Variants in TRIM2 observed in about 807,000 individuals in gnomAD.
The protein encoded by TRIM2 is tripartite motif-containing protein 2.
In TRIM2, 20 loss-of-function variants were observed where a neutral mutation model predicts 75.2. The ratio of observed to expected loss-of-function variants is 0.27; its 90% CI spans 0.19 to 0.39. The LOEUF (loss-of-function observed/expected upper bound fraction) is 0.39. Among genes scored for constraint, TRIM2 ranks in the 10% least tolerant of loss-of-function variants. TRIM2 has a pLI of 1.00. For missense variants in TRIM2, 660 were observed against 990.8 expected (o/e 0.67, Z 4.48); for synonymous variants, 373 against 388.3 (o/e 0.96, Z 0.46).
In TRIM2 at chr4:153,192,145, G is replaced by A. The variant is rs536456602; in HGVS notation, c.-49+38875G>A. ...TTCCTCACCCCACACCCTTCCCCAG[G>A]CATCCCGCACCACAGTGATTGTTTA... On this transcript the variant is annotated intron_variant, in intron 1 of 11. Coordinates refer to the TRIM2 transcript ENST00000437508. Among the ~76,000 whole-genome samples, 28 of 152,188 alleles carry A rather than the reference G, an allele frequency of 1.8e-4. 1 individual carries two copies. In the East Asian group the frequency reaches 3.9e-3, roughly 21 times the overall value.
intron 1 of TRIM2, among the ~76,000 whole-genome samples, chr4:153,263,258 G>T (rs1754032156): frequency 6.6e-6 from 1 of 152,142 alleles, no homozygotes; most frequent in East Asian, 1.9e-4. Context: ...AAGCCTCGGA[G>T]GTGGAGGTTG....
intron 1 of TRIM2, among the ~76,000 whole-genome samples, chr4:153,199,166 A>C (rs1349292695): frequency 6.6e-6 from 1 of 152,180 alleles, no homozygotes; most frequent in African/African-American, 2.4e-5. Context: ...TCAGCTCTAC[A>C]GAATTGTGTT....
intron 1 of TRIM2, among the ~76,000 whole-genome samples, chr4:153,166,289 T>A (rs1730296149): frequency 3.3e-5 from 5 of 152,200 alleles, no homozygotes. Context: ...GACTTCTTAT[T>A]TTCACAAATG....
intron 1 of TRIM2, among the ~76,000 whole-genome samples, chr4:153,265,423 A>C (rs1754723493): frequency 6.6e-6 from 1 of 151,568 alleles, no homozygotes; most frequent in Non-Finnish European, 1.5e-5. Flanking sequence ...GGCTCACTGC[A>C]AGCTCTCCCT....
intron 3 of TRIM2, among the ~76,000 whole-genome samples, chr4:153,289,392 C>T (rs1761367745): frequency 6.6e-6 from 1 of 152,048 alleles, no homozygotes; most frequent in Admixed American, 6.6e-5. Context: ...GATTAGCTAC[C>T]AACCAGTGAC....
chr4:153,247,414 G>A (rs770496670), intron 1 of TRIM2, among the ~76,000 whole-genome samples: 40 of 152,172 alleles, frequency 2.6e-4, no homozygotes, highest in Non-Finnish European at 3.8e-4. Flanking sequence ...GGTCACTCAC[G>A]CCTGTAGTCC....
intron 1 of TRIM2, among the ~76,000 whole-genome samples, chr4:153,263,477 C>G (rs1406134023): frequency 6.6e-6 from 1 of 152,154 alleles, no homozygotes; most frequent in Non-Finnish European, 1.5e-5. Context: ...AAGTCCGTTT[C>G]CATGTTATAT....
intron 1 of TRIM2, among the ~76,000 whole-genome samples, chr4:153,254,791 A>C (rs1751668156): frequency 1.3e-5 from 2 of 152,212 alleles, no homozygotes; most frequent in Non-Finnish European, 2.9e-5. Context: ...TTTAACCCAT[A>C]TAGTAGTTAA....
chr4:153,213,775 C>T (rs1054443130), intron 1 of TRIM2, among the ~76,000 whole-genome samples: 4 of 152,196 alleles, frequency 2.6e-5, no homozygotes, highest in African/African-American at 9.7e-5. Flanking sequence ...ATCCACCCGC[C>T]TCGGCCTCCC....
intron 1 of TRIM2, among the ~76,000 whole-genome samples, chr4:153,269,938 A>C (rs1429149999): frequency 6.6e-6 from 1 of 151,362 alleles, no homozygotes; most frequent in African/African-American, 2.4e-5. Context: ...TTTATTTTTT[A>C]TTTTTTTGAG....
At chr4:153,198,016 TC>T (rs1733953098) in intron 1 of TRIM2, among the ~76,000 whole-genome samples, 1 of 152,180 alleles carries the variant, frequency 6.6e-6, no homozygotes, top group African/African-American at 2.4e-5. Context: ...ATCTTGGACT[TC>T]CAGCCTCCAG....
At chr4:153,319,882 T>G (rs1768549256) in intron 8 of TRIM2, among the ~76,000 whole-genome samples, 1 of 152,058 alleles carries the variant, frequency 6.6e-6, no homozygotes. Context: ...GTAAAGAAAT[T>G]TTGGTTCAAT....
intron 1 of TRIM2, among the ~76,000 whole-genome samples, chr4:153,238,122 C>T (rs1026558725): frequency 3.3e-5 from 5 of 152,168 alleles, no homozygotes; most frequent in Non-Finnish European, 2.9e-5. Context: ...TGTCCTTCTG[C>T]CCCTCTCCCT....
chr4:153,329,027 T>G (rs1400423649), intron 11 of TRIM2, among the ~76,000 whole-genome samples: 1 of 152,232 alleles, frequency 6.6e-6, no homozygotes, highest in Non-Finnish European at 1.5e-5. Context: ...GTAATTTTAG[T>G]AATGCCTATG....
At chr4:153,291,503 CT>C (rs1168052962) in intron 3 of TRIM2, among the ~76,000 whole-genome samples, 1 of 152,084 alleles carries the variant, frequency 6.6e-6, no homozygotes, top group Non-Finnish European at 1.5e-5. Context: ...ACTGCCTTCA[CT>C]TTGTGAAAAT....
intron 1 of TRIM2, chr4:153,257,778 A>C (rs1251697857): frequency 1.2e-5 from 5 of 430,478 alleles, no homozygotes; most frequent in Non-Finnish European, 2.3e-5. Context: ...TAGGTCCTAA[A>C]TGTTCAGACT....
chr4:153,323,932 G>T, intron 9 of TRIM2, 146 bp from the exon 10 acceptor site: 1 of 640,104 alleles, frequency 1.6e-6, no homozygotes, highest in East Asian at 3.2e-5. Context: ...AGGTCTGGCT[G>T]AATGATCTTT....
intron 1 of TRIM2, among the ~76,000 whole-genome samples, chr4:153,177,475 GTC>G (rs1731561126): frequency 6.6e-6 from 1 of 151,946 alleles, no homozygotes; most frequent in Non-Finnish European, 1.5e-5. Context: ...GTGAAACCCC[GTC>G]TCTACTAAAA....
chr4:153,286,453 C>T (rs1286562392), intron 3 of TRIM2, among the ~76,000 whole-genome samples: 1 of 151,950 alleles, frequency 6.6e-6, no homozygotes, highest in Non-Finnish European at 1.5e-5. Flanking sequence ...GCCATCTGGT[C>T]CTGGGCTTTT....
Sources: allele counts gnomAD v4.1 joint callset (sites outside exome capture counted in the v4.1 genomes callset), GRCh38; gene constraint gnomAD v4.1.1; transcripts MANE v1.5; gene names NCBI Gene and HGNC (gene_info 2026-07-23, HGNC 2026-07-21).